The following HPSE2 variants were observed in gnomAD, a reference collection of about 807,000 sequenced individuals.
The protein encoded by HPSE2 is inactive heparanase-2.
Under a neutral mutation model 60.5 loss-of-function variants are expected in HPSE2, and 38 were observed. That is an observed-to-expected ratio of 0.63 (90% CI 0.48 to 0.82). HPSE2 has a LOEUF of 0.82. HPSE2 is among the 40% of genes least tolerant of loss of function. HPSE2 has a pLI of 0.00. For missense variants in HPSE2, 713 were observed against 740.4 expected (o/e 0.96, Z 0.43); for synonymous variants, 295 against 293.2 (o/e 1.01, Z -0.06).
intron 3 of HPSE2, among the ~76,000 whole-genome samples, chr10:99,006,973 C>G (rs117980299): frequency 2.6e-3 from 389 of 152,280 alleles, no homozygotes; most frequent in Non-Finnish European, 4.3e-3. Context: ...GGTCTGGAGC[C>G]TGTTTCTGCA....
intron 2 of HPSE2, among the ~76,000 whole-genome samples, chr10:99,157,813 G>C (rs1343165312): frequency 1.6e-5 from 2 of 128,382 alleles, no homozygotes; most frequent in Admixed American, 8.6e-5. Context: ...GAGTGAACAG[G>C]CAACCTACAA....
chr10:98,934,882 C>T (rs1954747087), intron 3 of HPSE2, among the ~76,000 whole-genome samples: 1 of 143,634 alleles, frequency 7.0e-6, no homozygotes, highest in East Asian at 2.0e-4. Flanking sequence ...GGGTGTTTTA[C>T]AACTTGGTTC....
intron 3 of HPSE2, among the ~76,000 whole-genome samples, chr10:99,114,441 C>G (rs758823182): frequency 2.6e-4 from 39 of 152,182 alleles, no homozygotes; most frequent in Non-Finnish European, 4.1e-4. Flanking sequence ...ATTCAAAGGA[C>G]TTCTTCCTAC....
intron 3 of HPSE2, among the ~76,000 whole-genome samples, chr10:98,906,403 T>C (rs1953817222): frequency 6.6e-6 from 1 of 152,080 alleles, no homozygotes; most frequent in Non-Finnish European, 1.5e-5. Context: ...CACTAAGTAA[T>C]AGATCAGGTT....
intron 9 of HPSE2, among the ~76,000 whole-genome samples, chr10:98,571,536 T>C (rs1242946752): frequency 1.3e-5 from 2 of 152,180 alleles, no homozygotes; most frequent in South Asian, 4.1e-4. Context: ...ATTTTCTCTG[T>C]TACAAAAGGA....
rs147348514 is a variant in HPSE2 at position 98,624,767 on chromosome 10, A to C, written c.1099-4059T>G. Among the ~76,000 whole-genome samples, 372 of 152,348 alleles carry C rather than the reference A, an allele frequency of 2.4e-3. 3 individuals are homozygous for C. Among genetic ancestry groups the C allele is most frequent in the Non-Finnish European group, 4.4e-3 (302 of 68,036 alleles). ...AATAATACCTGATAGGATTGTGTTA[A>C]GGATCTTTCCTTGTCAAAGGCCAAA... On this transcript the variant is annotated intron_variant, in intron 7 of 11. Coordinates refer to ENST00000370552, the MANE Select transcript of HPSE2 (RefSeq NM_021828.5).
intron 4 of HPSE2, among the ~76,000 whole-genome samples, chr10:98,735,086 G>A (rs1275670949): frequency 1.3e-5 from 2 of 152,048 alleles, no homozygotes; most frequent in Non-Finnish European, 2.9e-5. Context: ...AAAATGTCAT[G>A]TATCCACCAT....
chr10:98,809,635 C>G (rs1369306368), intron 3 of HPSE2, among the ~76,000 whole-genome samples: 1 of 152,152 alleles, frequency 6.6e-6, no homozygotes, highest in African/African-American at 2.4e-5. Context: ...ATAGCTTACT[C>G]TTTTTGCTAC....
intron 9 of HPSE2, among the ~76,000 whole-genome samples, chr10:98,581,091 C>T (rs1000355977): frequency 2.0e-5 from 3 of 151,486 alleles, no homozygotes; most frequent in Non-Finnish European, 4.4e-5. Flanking sequence ...TAGGTGCGTG[C>T]CAACACGCCT....
intron 11 of HPSE2, among the ~76,000 whole-genome samples, chr10:98,475,996 T>A (rs887256125): frequency 2.6e-5 from 4 of 151,900 alleles, no homozygotes; most frequent in African/African-American, 9.7e-5. Context: ...GGACTATAAA[T>A]CATGCTGCTA....
chr10:98,711,177 C>A (rs550282650), intron 5 of HPSE2, among the ~76,000 whole-genome samples: 31 of 152,052 alleles, frequency 2.0e-4, no homozygotes, highest in African/African-American at 7.2e-4. Flanking sequence ...CCTTGACAGT[C>A]CAAAATGCTG....
chr10:98,664,823 G>C (rs922512597), intron 6 of HPSE2, among the ~76,000 whole-genome samples: 1 of 152,104 alleles, frequency 6.6e-6, no homozygotes, highest in African/African-American at 2.4e-5. Flanking sequence ...CACAAACAAA[G>C]AAAGACAAGC....
At chr10:99,232,260 C>A (rs1849678732) in intron 2 of HPSE2, 88 bp downstream of exon 2, 2 of 1,415,008 alleles carry the variant, frequency 1.4e-6, no homozygotes, top group African/African-American at 2.9e-5. Flanking sequence ...CACACACGAA[C>A]ACACAGACAC....
rs190054115 is a variant in HPSE2, at chr10:98,574,280, C to T, written c.1320+40624G>A. Among the ~76,000 whole-genome samples the T allele has an allele frequency of 4.5e-3, 692 of 152,112 alleles. 8 individuals carry two copies. Among genetic ancestry groups the T allele is most frequent in the African/African-American group, 0.016 (666 of 41,500 alleles). ...TGTGGATTACTGCAGCATTAAAAAA[C>T]GTAGATCTACATAGCACATAAATAT... On this transcript the variant is annotated intron_variant, in intron 9 of 11. Transcript: ENST00000370552.
intron 3 of HPSE2, among the ~76,000 whole-genome samples, chr10:99,019,835 C>T (rs1957222836): frequency 6.6e-6 from 1 of 151,738 alleles, no homozygotes; most frequent in African/African-American, 2.4e-5. Flanking sequence ...CGTCAGCTTC[C>T]CTAGTAGCTG....
intron 3 of HPSE2, among the ~76,000 whole-genome samples, chr10:99,097,198 G>C (rs903488937): frequency 6.6e-6 from 1 of 152,090 alleles, no homozygotes; most frequent in African/African-American, 2.4e-5. Context: ...ACCACTATTT[G>C]CATCTGTGCT....
chr10:99,249,343 G>A, the HPSE2 span, among the ~76,000 whole-genome samples: 2 of 152,156 alleles, frequency 1.3e-5, no homozygotes, highest in Non-Finnish European at 2.9e-5. Context: ...TATGAGACAT[G>A]GAGTCAAAGG....
intron 2 of HPSE2, among the ~76,000 whole-genome samples, chr10:99,197,458 T>C (rs748758559): frequency 6.6e-6 from 1 of 152,146 alleles, no homozygotes; most frequent in African/African-American, 2.4e-5. Context: ...CATGCTTGTA[T>C]CAAAATATCT....
At chr10:98,925,119 T>C (rs1175349170) in intron 3 of HPSE2, among the ~76,000 whole-genome samples, 1 of 152,216 alleles carries the variant, frequency 6.6e-6, no homozygotes, top group Admixed American at 6.5e-5. Context: ...GTGTCAGTGA[T>C]TCTAAAGTAT....
Sources: allele counts gnomAD v4.1 joint callset (sites outside exome capture counted in the v4.1 genomes callset), GRCh38; gene constraint gnomAD v4.1.1; transcripts MANE v1.5; gene names NCBI Gene and HGNC (gene_info 2026-07-23, HGNC 2026-07-21).